Variants in GOLM2 observed in about 807,000 individuals in gnomAD.
The protein encoded by GOLM2 is golgi membrane protein 2, also known as protein GOLM2.
A neutral mutation model predicts 55.9 loss-of-function variants in GOLM2; 26 were observed. That is an observed-to-expected ratio of 0.47 (90% CI 0.34 to 0.65). The LOEUF (loss-of-function observed/expected upper bound fraction) is 0.65. Ranked by LOEUF, GOLM2 falls within the 30% of genes least tolerant of loss-of-function variation. The pLI is 0.01. For missense variants in GOLM2, 486 were observed against 531.8 expected (o/e 0.91, Z 0.85); for synonymous variants, 165 against 194.6 (o/e 0.85, Z 1.27).
intron 6 of GOLM2, among the ~76,000 whole-genome samples, chr15:44,369,066 ATTATATATATAT>A (rs1244204016): frequency 2.2e-4 from 13 of 60,078 alleles, no homozygotes; most frequent in African/African-American, 9.7e-4. Context: ...AATAGGATAT[ATTATATATATAT>A]ATATATATAT....
Position 44,402,460 on chromosome 15 carries a change from G to C in GOLM2, c.1073-427G>C, listed in dbSNP as rs1436327833. 2.6e-5 allele frequency among the ~76,000 whole-genome samples: 4 copies of C among 151,858 alleles called. No individual in the cohort carries two copies. In the East Asian group the frequency reaches 7.7e-4, roughly 29 times the overall value. On this transcript the variant is annotated intron_variant, in intron 8 of 9. Transcript: ENST00000299957. ...ACCTACCTCAGCCTCCCAAAGTTCT[G>C]GGATTACAAGTGTGGGCCACTGCAC...
chr15:44,313,896 G>A (rs1319831134), intron 1 of GOLM2, among the ~76,000 whole-genome samples: 1 of 152,096 alleles, frequency 6.6e-6, no homozygotes, highest in Non-Finnish European at 1.5e-5. Flanking sequence ...ACTTTGTGCT[G>A]TTCATTATAG....
At chr15:44,307,028 G>A (rs2078841909) in intron 1 of GOLM2, among the ~76,000 whole-genome samples, 1 of 152,070 alleles carries the variant, frequency 6.6e-6, no homozygotes, top group Non-Finnish European at 1.5e-5. Context: ...TTATCAAAAT[G>A]TGACATAGGG....
At chr15:44,341,756 G>A (rs979907978) in intron 6 of GOLM2, among the ~76,000 whole-genome samples, 11 of 140,718 alleles carry the variant, frequency 7.8e-5, no homozygotes, top group Non-Finnish European at 1.7e-4. Flanking sequence ...GAGTGCAGTC[G>A]TGCGATCTTG....
intron 8 of GOLM2, among the ~76,000 whole-genome samples, chr15:44,396,749 A>T (rs1335858668): frequency 6.6e-6 from 1 of 152,216 alleles, no homozygotes; most frequent in Admixed American, 6.5e-5. Context: ...ATGTATGAAA[A>T]ATTACTTCAT....
chr15:44,344,816 C>T (rs1398030555), intron 6 of GOLM2, among the ~76,000 whole-genome samples: 17 of 145,354 alleles, frequency 1.2e-4, no homozygotes, highest in Admixed American at 8.2e-4. Flanking sequence ...CTCGTTCTGT[C>T]GCCCAGGCTG....
chr15:44,380,821 A>G lies in GOLM2; in HGVS notation c.917A>G (p.His306Arg), dbSNP rs993414132. ...TATGCCACAGATTCACACATAAACC[A>G]CAATGGAAACCCCGGTACTTCAAAA... is the stretch of plus-strand genomic sequence containing the variant. ...PNMPPDSHIN[H>R]NGNPGTSKQN... The change falls in exon 8 of 10, where the codon CAC becomes CGC. Residue 306 changes from histidine to arginine, a missense_variant. By Grantham distance (29) the His-to-Arg change is conservative. Transcript: ENST00000299957. 6.4e-7 allele frequency: 1 copy of G among 1,551,464 alleles called. No homozygotes were observed. Among genetic ancestry groups the G allele is most frequent in the African/African-American group, 1.4e-5 (1 of 73,202 alleles).
intron 1 of GOLM2, among the ~76,000 whole-genome samples, chr15:44,312,809 G>T (rs1225677779): frequency 6.6e-6 from 1 of 152,086 alleles, no homozygotes; most frequent in Non-Finnish European, 1.5e-5. Flanking sequence ...GGCTGGGTGC[G>T]GTGGCTCACG....
At chr15:44,396,048 C>G (rs892919467) in intron 8 of GOLM2, among the ~76,000 whole-genome samples, 1 of 151,968 alleles carries the variant, frequency 6.6e-6, no homozygotes, top group East Asian at 1.9e-4. Context: ...GACTTTATAA[C>G]TTTATTTTAA....
rs769023385 is a variant in GOLM2 at position 44,379,674 on chromosome 15, AT to A, written c.803-8del. 4.7e-5 allele frequency: 40 copies of A among 844,408 alleles called. No individual in the cohort carries two copies. The highest frequency in any genetic ancestry group is 6.0e-5 in the Non-Finnish European group (36 of 596,270). The allele number at this position is 844,408 out of a possible 1,614,324, so 52.3% of individuals were successfully genotyped here. On this transcript the variant is annotated splice_polypyrimidine_tract_variant and intron_variant, in intron 6 of 9. Coordinates refer to ENST00000299957, the MANE Select transcript of GOLM2 (RefSeq NM_138423.4). Reference sequence around the variant, plus strand: ...GTATCAATGGGAATAATATGGATTTATTTTTTTTCTTCTAGCTTTAAGGAAG... The same window carrying A: ...GTATCAATGGGAATAATATGGATTTATTTTTTTCTTCTAGCTTTAAGGAAG...
chr15:44,290,460 T>C (rs575854772), intron 1 of GOLM2, among the ~76,000 whole-genome samples: 3 of 152,360 alleles, frequency 2.0e-5, no homozygotes, highest in East Asian at 1.9e-4. Context: ...TGACAGCCTC[T>C]ACCTGGCTTT....
chr15:44,297,560 T>C (rs1162579659), intron 1 of GOLM2, among the ~76,000 whole-genome samples: 1 of 151,832 alleles, frequency 6.6e-6, no homozygotes, highest in East Asian at 1.9e-4. Flanking sequence ...CAATTTTTTT[T>C]TGTTTTTTTT....
chr15:44,338,879 T>C (rs1332797362), intron 6 of GOLM2, among the ~76,000 whole-genome samples: 1 of 152,154 alleles, frequency 6.6e-6, no homozygotes, highest in African/African-American at 2.4e-5. Flanking sequence ...CATTTTCACT[T>C]GAAGGCCTGC....
intron 8 of GOLM2, among the ~76,000 whole-genome samples, chr15:44,398,449 C>T (rs2079541613): frequency 6.6e-6 from 1 of 151,846 alleles, no homozygotes; most frequent in Non-Finnish European, 1.5e-5. Context: ...CCACCATGCC[C>T]AACTGTAGAT....
At chr15:44,387,764 GAAA>G (rs879805357) in intron 8 of GOLM2, among the ~76,000 whole-genome samples, 1 of 135,500 alleles carries the variant, frequency 7.4e-6, no homozygotes, top group Non-Finnish European at 1.6e-5. Flanking sequence ...CTCTCTCAAG[GAAA>G]AAAAAAAAAA....
chr15:44,312,939 C>T (rs1490863051), intron 1 of GOLM2, among the ~76,000 whole-genome samples: 4 of 152,038 alleles, frequency 2.6e-5, no homozygotes, highest in African/African-American at 4.8e-5. Flanking sequence ...ATTAGCTGGG[C>T]GTGGTGGCGT....
At chr15:44,305,052 A>G (rs558447465) in intron 1 of GOLM2, among the ~76,000 whole-genome samples, 1 of 152,140 alleles carries the variant, frequency 6.6e-6, no homozygotes, top group African/African-American at 2.4e-5. Flanking sequence ...AGGCTGGAGT[A>G]CAGTGGCACA....
intron 6 of GOLM2, among the ~76,000 whole-genome samples, chr15:44,366,356 CAATT>C (rs1385510250): frequency 1.4e-5 from 2 of 144,394 alleles, no homozygotes; most frequent in African/African-American, 2.6e-5. Flanking sequence ...TCTTAAAAAA[CAATT>C]AAAGAGAGGC....
intron 1 of GOLM2, among the ~76,000 whole-genome samples, chr15:44,293,962 C>T (rs559353420): frequency 6.6e-5 from 10 of 152,206 alleles, no homozygotes; most frequent in South Asian, 4.2e-4. Flanking sequence ...TTACTTGTAT[C>T]GGTATGGACT....
Sources: gnomAD v4.1 joint callset for allele counts (sites outside exome capture counted in the v4.1 genomes callset) on GRCh38, gnomAD v4.1.1 for gene constraint, MANE v1.5 for transcripts, NCBI Gene and HGNC (gene_info 2026-07-23, HGNC 2026-07-21) for gene names.